The following LRRN4 variants were observed in gnomAD, a reference collection of about 807,000 sequenced individuals.
LRRN4 encodes the protein leucine-rich repeat neuronal protein 4.
Under a neutral mutation model 22.3 loss-of-function variants are expected in LRRN4, and 26 were observed. The ratio of observed to expected loss-of-function variants is 1.16; its 90% CI spans 0.85 to 1.62. The LOEUF (loss-of-function observed/expected upper bound fraction) is 1.62. Among genes scored for constraint, LRRN4 ranks in the 40% most tolerant of loss-of-function variants. The probability of loss-of-function intolerance (pLI) is 0.00; values close to 1 mark genes in which losing one functional copy is unlikely to be tolerated. For missense variants in LRRN4, 1,070 were observed against 1,008.5 expected (o/e 1.06, Z -0.83); for synonymous variants, 496 against 486.2 (o/e 1.02, Z -0.26).
Position 6,040,706 on chromosome 20 carries a change from T to G in LRRN4, c.*316A>C, listed in dbSNP as rs1181828783. On this transcript the variant is annotated 3_prime_UTR_variant, in exon 5 of 5. Transcript: ENST00000378858. ...TTCATCCCTTCCTACGTCCATACAC[T>G]ATTCTACTGGATAGAGAGGCACTGA... The G allele has an allele frequency of 8.1e-6, 3 of 370,384 alleles. No individual in the cohort carries two copies. Among genetic ancestry groups the G allele is most frequent in the African/African-American group, 6.4e-5 (3 of 46,710 alleles). 22.9% of individuals were successfully genotyped at this position (370,384 alleles called of 1,614,324 possible).
At chr20:6,043,743 A>G (rs1230517389) in intron 4 of LRRN4, among the ~76,000 whole-genome samples, 1 of 152,002 alleles carries the variant, frequency 6.6e-6, no homozygotes, top group Non-Finnish European at 1.5e-5. Context: ...CCATCTCTAC[A>G]AAAAGATTAA....
At position 6,040,703 on chromosome 20, in the gene LRRN4, C is replaced by T. The variant is rs2123048169; in HGVS notation, c.*319G>A. 1 of 348,266 alleles carries T rather than the reference C, an allele frequency of 2.9e-6. No individual in the cohort carries two copies. The highest frequency in any genetic ancestry group is 6.9e-5 in the East Asian group (1 of 14,548). The allele number at this position is 348,266 out of a possible 1,614,324, so 21.6% of individuals were successfully genotyped here. A position where few individuals can be genotyped will look rare whatever the true frequency, so the allele number is the denominator to read the frequency against. On this transcript the variant is annotated 3_prime_UTR_variant, in exon 5 of 5. Transcript: ENST00000378858. ...TGTTTCATCCCTTCCTACGTCCATA[C>T]ACTATTCTACTGGATAGAGAGGCAC... is the stretch of plus-strand genomic sequence containing the variant.
rs368800831 is a variant in LRRN4 at position 6,040,847 on chromosome 20, G to A, written c.*175C>T. On this transcript the variant is annotated 3_prime_UTR_variant, in exon 5 of 5. Transcript: ENST00000378858. Reference sequence around the variant, plus strand: ...CAGAGTTAAGTAGAAGGAAGGGAGGGCAGCAGTTCCTTGGACCCAGACACT... The same window carrying A: ...CAGAGTTAAGTAGAAGGAAGGGAGGACAGCAGTTCCTTGGACCCAGACACT... 8.4e-4 allele frequency: 679 copies of A among 805,068 alleles called. 8 individuals are homozygous for A. In the South Asian group the frequency reaches 0.012, roughly 14 times the overall value. 49.9% of individuals were successfully genotyped at this position (805,068 alleles called of 1,614,324 possible).
At chr20:6,048,774 T>C (rs1378097073) in intron 3 of LRRN4, among the ~76,000 whole-genome samples, 1 of 152,178 alleles carries the variant, frequency 6.6e-6, no homozygotes, top group Non-Finnish European at 1.5e-5. Context: ...TCAGAAGGCC[T>C]TGGCTGGAGA....
chr20:6,041,685 T>C lies in LRRN4; in HGVS notation c.1560A>G (p.Pro520=). The change falls in exon 5 of 5, where the codon CCA becomes CCG. Residue 520 remains proline, a synonymous_variant. Coordinates refer to ENST00000378858, the MANE Select transcript of LRRN4 (RefSeq NM_152611.5). This position sits in a 1 kb window ranked among gnomAD's most constrained non-coding sequence, Gnocchi z 9.4. ...CACTGTAGTCGTCCAGCAGCAAGAC[T>C]GGAATCTCGCCCTCGGAAAGACTCG... is the stretch of plus-strand genomic sequence containing the variant. ...PNPSLSEGEI[P]VLLLDDYSEE... 1.9e-6 allele frequency: 3 copies of C among 1,613,026 alleles called. 1 individual carries two copies. The South Asian group carries it at 3.3e-5, about 18-fold the overall frequency.
At chr20:6,052,006 C>T in intron 2 of LRRN4, 139 bp downstream of exon 2, 1 of 1,035,784 alleles carries the variant, frequency 9.7e-7, no homozygotes, top group Non-Finnish European at 1.4e-6. Context: ...AAAAATGTAG[C>T]TGGTGTCTTT....
At position 6,041,757 on chromosome 20, in the gene LRRN4, C is replaced by A. The variant is rs760647264; in HGVS notation, c.1488G>T (p.Ser496=). 4 of 1,613,832 alleles carry A rather than the reference C, an allele frequency of 2.5e-6. No individual in the cohort carries two copies. The Admixed American group carries it at 5.0e-5, about 20-fold the overall frequency. Residue 496 remains serine, a synonymous_variant, in exon 5 of 5, where the codon TCG becomes TCT. Transcript: ENST00000378858. This position sits in a 1 kb window ranked among gnomAD's most constrained non-coding sequence, Gnocchi z 9.4. ...CGTGTGTCCTCTGGCCGGGCTGAGG[C>A]GAGCTTATGCTGCGGTCCCACGAGG... ...FPTSWDRSIS[S]PQPGQRTHAT...
rs1981229352 is a variant in LRRN4, at chr20:6,050,941, A to AG, written c.697dup (p.Leu233ProfsTer86). The AG allele has an allele frequency of 6.2e-7, 1 of 1,614,006 alleles. No individual in the cohort carries two copies. The highest frequency in any genetic ancestry group is 8.5e-7 in the Non-Finnish European group (1 of 1,180,024). ...CAGCCGAGGCATCTTCCTCAGGTAGAGGGATGTGAGCTTCGGCAGGTCTCT... is the reference window on the plus strand; with the variant it reads ...CAGCCGAGGCATCTTCCTCAGGTAGAGGGGATGTGAGCTTCGGCAGGTCTCT... On this transcript the variant is annotated frameshift_variant, in exon 3 of 5. Transcript: ENST00000378858. LOFTEE classifies it high-confidence loss of function.
At chr20:6,049,335 A>T (rs1191106065) in intron 3 of LRRN4, among the ~76,000 whole-genome samples, 1 of 152,166 alleles carries the variant, frequency 6.6e-6, no homozygotes, top group Non-Finnish European at 1.5e-5. Context: ...TAAGTGGCAG[A>T]TATCTGCTAC....
At position 6,041,394 on chromosome 20, in the gene LRRN4, C is replaced by T. The variant is rs1344888220; in HGVS notation, c.1851G>A (p.Glu617=). 1 of 1,577,708 alleles carries T rather than the reference C, an allele frequency of 6.3e-7. No individual in the cohort carries two copies. The highest frequency in any genetic ancestry group is 8.6e-7 in the Non-Finnish European group (1 of 1,162,294). The part of the protein sequence containing the change: ...VHGYQIRYSA[E]GWAGNQSVVG... Reference sequence around the variant, plus strand: ...CCACCGACTGGTTCCCCGCCCAGCCCTCCGCAGAGTAGCGGATCTGGTACC... The same window carrying T: ...CCACCGACTGGTTCCCCGCCCAGCCTTCCGCAGAGTAGCGGATCTGGTACC... The change falls in exon 5 of 5, where the codon GAG becomes GAA. Residue 617 remains glutamate (E), a synonymous_variant. Transcript: ENST00000378858. This position sits in a 1 kb window ranked among gnomAD's most constrained non-coding sequence, Gnocchi z 9.4.
chr20:6,051,977 A>G (rs1329384395), intron 2 of LRRN4, among the ~76,000 whole-genome samples, 168 bp downstream of exon 2: 1 of 152,230 alleles, frequency 6.6e-6, no homozygotes, highest in Non-Finnish European at 1.5e-5. Context: ...TGGCGCTTCA[A>G]ACTGGGCCCG....
chr20:6,042,431 A>T (rs557148176), intron 4 of LRRN4, among the ~76,000 whole-genome samples, 185 bp from the exon 5 acceptor site: 20 of 152,252 alleles, frequency 1.3e-4, no homozygotes, highest in African/African-American at 4.6e-4. Context: ...CTTTGGAGGA[A>T]GCTCCTGTCC....
chr20:6,041,941 T>C lies in LRRN4; in HGVS notation c.1304A>G (p.Asn435Ser). 1 of 1,613,962 alleles carries C rather than the reference T, an allele frequency of 6.2e-7. No individual in the cohort carries two copies. Among genetic ancestry groups the C allele is most frequent in the South Asian group, 1.1e-5 (1 of 91,060 alleles). ...AREGTAPSTT[N>S]SVAGHSNSSV... ...GGAGTTGCTGTGACCTGCTACAGAG[T>C]TGGTCGTGGAGGGGGCAGTCCCCTC... The change falls in exon 5 of 5, where the codon AAC becomes AGC. Residue 435 changes from asparagine (N) to serine (S), a missense_variant. Transcript: ENST00000378858. The surrounding 1 kb of genome is among the most constrained non-coding windows in gnomAD (Gnocchi z 9.4).
chr20:6,040,649 A>C lies in LRRN4; in HGVS notation c.*373T>G, dbSNP rs1980893743. 1 of 192,920 alleles carries C rather than the reference A, an allele frequency of 5.2e-6. No individual in the cohort carries two copies. Among genetic ancestry groups the C allele is most frequent in the Non-Finnish European group, 1.1e-5 (1 of 93,878 alleles). The allele number at this position is 192,920 out of a possible 1,614,324, so 12.0% of individuals were successfully genotyped here. A position where few individuals can be genotyped will look rare whatever the true frequency, so the allele number is the denominator to read the frequency against. The stretch of plus-strand genomic sequence containing the variant: ...ACCTGAGGATGTGATTTCTAACATG[A>C]TCAAAGAGGCTGGGTTATGCAACTT... On this transcript the variant is annotated 3_prime_UTR_variant, in exon 5 of 5. Transcript: ENST00000378858.
In LRRN4 at chr20:6,052,731, CT is replaced by C. The variant is rs1981295061; in HGVS notation, c.68del (p.Glu23GlyfsTer37). The stretch of plus-strand genomic sequence containing the variant: ...GAGTGACCCGGAAGAGCGGGACCTT[CT>C]CCTGGGGAGGGTCTGCCCAGCTGGG... ...LRPSWADPPQ[E>X]KVPLFRVTQQ... On this transcript the variant is annotated frameshift_variant, in exon 2 of 5. Coordinates refer to ENST00000378858, the MANE Select transcript of LRRN4 (RefSeq NM_152611.5). LOFTEE classifies it high-confidence loss of function. The C allele has an allele frequency of 6.4e-7, 1 of 1,571,452 alleles. No homozygotes were observed. Among genetic ancestry groups the C allele is most frequent in the Non-Finnish European group, 8.6e-7 (1 of 1,166,252 alleles).
Position 6,052,144 on chromosome 20 carries a change from C to T in LRRN4, c.655+1G>A, listed in dbSNP as rs753060198. 4.4e-6 allele frequency: 7 copies of T among 1,590,164 alleles called. No homozygotes were observed. The highest frequency in any genetic ancestry group is 6.0e-6 in the Non-Finnish European group (7 of 1,169,288). On this transcript the variant is annotated splice_donor_variant, in intron 2 of 4. Transcript: ENST00000378858. LOFTEE classifies it high-confidence loss of function. ...TGAAAACGCGGGGCGCCCGGACTCA[C>T]CCCGTTCAAGGAACGTGCCGCTGAG...
chr20:6,041,433 G>A lies in LRRN4; in HGVS notation c.1812C>T (p.Asn604=). ...GGATCTGGTACCCATGCACTACCGAGTTGGGGGCACACCAGTGGACCAGCG... is the reference window on the plus strand; with the variant it reads ...GGATCTGGTACCCATGCACTACCGAATTGGGGGCACACCAGTGGACCAGCG... The part of the protein sequence containing the change: ...TSALVHWCAP[N]SVVHGYQIRY... The change falls in exon 5 of 5, where the codon AAC becomes AAT. Residue 604 remains asparagine (N), a synonymous_variant. Coordinates refer to ENST00000378858, the MANE Select transcript of LRRN4 (RefSeq NM_152611.5). This position sits in a 1 kb window ranked among gnomAD's most constrained non-coding sequence, Gnocchi z 9.4. 1 of 1,554,608 alleles carries A rather than the reference G, an allele frequency of 6.4e-7. No individual in the cohort carries two copies. Among genetic ancestry groups the A allele is most frequent in the South Asian group, 1.2e-5 (1 of 81,582 alleles).
chr20:6,047,449 CACACACACACACACACACAG>C (rs1396381147), intron 3 of LRRN4, among the ~76,000 whole-genome samples: 4 of 150,042 alleles, frequency 2.7e-5, no homozygotes, highest in Admixed American at 6.7e-5. Context: ...CACACACACA[CACACACACACACACACACAG>C]AGACACACAC....
chr20:6,042,326 C>T (rs867722111), intron 4 of LRRN4, 80 bp from the exon 5 acceptor site: 3 of 1,467,282 alleles, frequency 2.0e-6, no homozygotes, highest in African/African-American at 1.4e-5. Context: ...TCATTGCCGA[C>T]GTCACCCCCT....
Sources: gnomAD v4.1 joint callset for allele counts (sites outside exome capture counted in the v4.1 genomes callset) on GRCh38, gnomAD v4.1.1 for gene constraint, Gnocchi (gnomAD v3.1) non-coding constraint, MANE v1.5 for transcripts, NCBI Gene and HGNC (gene_info 2026-07-23, HGNC 2026-07-21) for gene names.